Variants in RBM25 observed in about 807,000 individuals in gnomAD.
The protein encoded by RBM25 is RNA binding motif protein 25, also known as RNA-binding protein 25.
RBM25 carries 19 observed loss-of-function variants against 120.7 expected under a neutral mutation model. That is an observed-to-expected ratio of 0.16 (90% CI 0.11 to 0.23). The LOEUF is 0.23. Ranked by LOEUF, RBM25 falls within the 10% of genes least tolerant of loss-of-function variation. The pLI is 1.00. For missense variants in RBM25, 605 were observed against 1,041.5 expected, an observed-to-expected ratio of 0.58 and a Z score of 5.77; for synonymous variants, 390 against 326.7, an observed-to-expected ratio of 1.19 and a Z score of -2.09.
intron 4 of RBM25, among the ~76,000 whole-genome samples, chr14:73,081,481 A>C (rs938777175): frequency 4.7e-5 from 7 of 150,056 alleles, no homozygotes; most frequent in Admixed American, 1.4e-4. Context: ...TGGTTCCTCT[A>C]AGTCTACTTT....
chr14:73,103,571 C>G (rs1566597075), intron 10 of RBM25, 93 bp downstream of exon 10: 2 of 1,483,802 alleles, frequency 1.3e-6, no homozygotes, highest in Admixed American at 2.5e-5. Flanking sequence ...GGAATGAGAA[C>G]TTTTGTGTGT....
At chr14:73,104,400 G>C (rs1009262329) in intron 10 of RBM25, among the ~76,000 whole-genome samples, 2 of 140,322 alleles carry the variant, frequency 1.4e-5, no homozygotes, top group Non-Finnish European at 3.1e-5. Flanking sequence ...ACAAGTTTTT[G>C]CTCTGTTGCC....
At chr14:73,105,375 G>A (rs1896163284) in intron 10 of RBM25, among the ~76,000 whole-genome samples, 2 of 152,102 alleles carry the variant, frequency 1.3e-5, no homozygotes, top group South Asian at 4.1e-4. Context: ...ACTTATAAAA[G>A]TTCTAACTTA....
At chr14:73,103,948 T>TCTCACACACA (rs1594928335) in intron 10 of RBM25, among the ~76,000 whole-genome samples, 18 of 91,426 alleles carry the variant, frequency 2.0e-4, no homozygotes, top group Non-Finnish European at 4.1e-4. Flanking sequence ...TCTCTCTCTC[T>TCTCACACACA]CACACACACA....
chr14:73,060,981 GA>G (rs1168774967), intron 1 of RBM25, among the ~76,000 whole-genome samples: 3 of 148,200 alleles, frequency 2.0e-5, no homozygotes, highest in African/African-American at 7.3e-5. Flanking sequence ...TCAAAATCAG[GA>G]AACTAACACT....
At chr14:73,080,380 T>C (rs1362698552) in intron 4 of RBM25, among the ~76,000 whole-genome samples, 1 of 151,770 alleles carries the variant, frequency 6.6e-6, no homozygotes, top group Admixed American at 6.6e-5. Flanking sequence ...CCCGCCACCA[T>C]GCCCGGCTAA....
At chr14:73,103,574 TTG>T in intron 10 of RBM25, 96 bp downstream of exon 10, 4 of 1,480,438 alleles carry the variant, frequency 2.7e-6, no homozygotes, top group Non-Finnish European at 1.8e-6. Context: ...ATGAGAACTT[TTG>T]TGTGTGTGTG....
intron 1 of RBM25, among the ~76,000 whole-genome samples, chr14:73,070,574 T>TTG (rs763756569): frequency 3.8e-4 from 58 of 152,122 alleles, no homozygotes; most frequent in Non-Finnish European, 7.2e-4. Flanking sequence ...ATGAGCACAT[T>TTG]TGTCTCTTAG....
At position 73,105,911 on chromosome 14, in the gene RBM25, AGAGAACGAGAGC is replaced by A. The variant is rs768061917; in HGVS notation, c.1218_1229del (p.Arg423_Glu426del). ...ACGAGAGCGGGAAAGAGAGAGAGAG[AGAGAACGAGAGC>A]GAGAACGAGAACGGGAGCGAGAGAG... On this transcript the variant is annotated inframe_deletion, in exon 11 of 19. Coordinates refer to ENST00000261973, the MANE Select transcript of RBM25 (RefSeq NM_021239.3). 1.1e-4 allele frequency: 179 copies of A among 1,612,898 alleles called. No homozygotes were observed. Among genetic ancestry groups the A allele is most frequent in the Non-Finnish European group, 1.4e-4 (168 of 1,179,416 alleles).
intron 17 of RBM25, among the ~76,000 whole-genome samples, chr14:73,113,509 G>T (rs1594936835): frequency 1.3e-5 from 2 of 151,960 alleles, no homozygotes; most frequent in African/African-American, 4.8e-5. Context: ...CGGCCAATAT[G>T]GTAAAACCCC....
Position 73,111,790 on chromosome 14 carries a change from T to G in RBM25, c.2280T>G (p.Ser760=). ...PELFAYPLDW[S]IVDSILMERR... ...TCTTCGCTTATCCCCTGGATTGGTC[T>G]ATTGTGGATTCTGTGAGTAGGAAAT... is the stretch of plus-strand genomic sequence containing the variant. The change falls in exon 16 of 19, where the codon TCT becomes TCG. Residue 760 remains serine, a synonymous_variant. Transcript: ENST00000261973. 1 of 1,587,156 alleles carries G rather than the reference T, an allele frequency of 6.3e-7. No individual in the cohort carries two copies. The highest frequency in any genetic ancestry group is 8.5e-7 in the Non-Finnish European group (1 of 1,170,328).
Position 73,120,368 on chromosome 14 carries a change from CTAA to C in RBM25, c.*565_*567del, listed in dbSNP as rs941909178. The C allele has an allele frequency of 1.1e-4, 17 of 152,424 alleles. No individual in the cohort carries two copies. The highest frequency in any genetic ancestry group is 5.9e-4 in the Admixed American group (9 of 15,260). The allele number at this position is 152,424 out of a possible 1,614,324, so 9.4% of individuals were successfully genotyped here. On this transcript the variant is annotated 3_prime_UTR_variant, in exon 19 of 19. Transcript: ENST00000261973. ...GTATGTGTAAAAGTCTTTCTTTTCCCTAATTTGCTTTGGTGGGGTCCTTAAAAC... is the reference window on the plus strand; with the variant it reads ...GTATGTGTAAAAGTCTTTCTTTTCCCTTTGCTTTGGTGGGGTCCTTAAAAC...
rs771096238 is a variant in RBM25 at position 73,111,692 on chromosome 14, A to C, written c.2182A>C (p.Thr728Pro). Reference protein sequence around the residue: ...GEDDKNATKGTVNTEEKRKHI... With the variant: ...GEDDKNATKGPVNTEEKRKHI... ...AGATGATAAAAATGCAACCAAAGGC[A>C]CTGTAAACACTGAAGAAAAGCGTAA... Residue 728 changes from threonine (T) to proline (P), a missense_variant, in exon 16 of 19, where the codon ACT becomes CCT. Thr to Pro is a conservative substitution (Grantham distance 38). This residue lies in a region of RBM25 where 465 missense variants were observed against 741.6 expected (regional missense o/e 0.63). Transcript: ENST00000261973. The C allele has an allele frequency of 2.9e-5, 47 of 1,614,056 alleles. No individual in the cohort carries two copies. The highest frequency in any genetic ancestry group is 3.6e-5 in the Non-Finnish European group (42 of 1,180,036).
rs565545268 is a variant in RBM25 at position 73,107,504 on chromosome 14, C to T, written c.1468-322C>T. 1.9e-3 allele frequency: 457 copies of T among 246,084 alleles called. 1 individual carries two copies. Among genetic ancestry groups the T allele is most frequent in the Non-Finnish European group, 3.0e-3 (385 of 128,668 alleles). 15.2% of individuals were successfully genotyped at this position (246,084 alleles called of 1,614,324 possible). A position where few individuals can be genotyped will look rare whatever the true frequency, so the allele number is the denominator to read the frequency against. Reference sequence around the variant, plus strand: ...GAGATAGCTGCACAGATAGCTCCAACTTAAATTAGAAAATATTTTCTCTAT... The same window carrying T: ...GAGATAGCTGCACAGATAGCTCCAATTTAAATTAGAAAATATTTTCTCTAT... On this transcript the variant is annotated intron_variant, in intron 12 of 18. Transcript: ENST00000261973.
chr14:73,088,241 A>G, intron 6 of RBM25, 80 bp downstream of exon 6: 1 of 1,519,112 alleles, frequency 6.6e-7, no homozygotes, highest in Non-Finnish European at 9.1e-7. Flanking sequence ...AATGAATCTA[A>G]TATGGGGCTT....
rs1438631019 is a variant in RBM25 at position 73,076,380 on chromosome 14, T to G, written c.156+12T>G. On this transcript the variant is annotated intron_variant, in intron 3 of 18. Coordinates refer to ENST00000261973, the MANE Select transcript of RBM25 (RefSeq NM_021239.3). ...CTCCTGCTCCAACTGTAAGTATAAC[T>G]TAAAGGAGGAATCATGAGTTATGGT... 3.7e-6 allele frequency: 6 copies of G among 1,602,162 alleles called. No individual in the cohort carries two copies. In the Admixed American group the frequency reaches 8.3e-5, roughly 22 times the overall value.
intron 6 of RBM25, among the ~76,000 whole-genome samples, chr14:73,089,520 A>G (rs1182490021): frequency 1.3e-5 from 2 of 151,240 alleles, no homozygotes; most frequent in South Asian, 2.1e-4. Context: ...ACGTTCAGCA[A>G]ATTTTTGTAT....
At chr14:73,099,587 A>G in intron 8 of RBM25, 80 bp from the exon 9 acceptor site, 1 of 1,587,474 alleles carries the variant, frequency 6.3e-7, no homozygotes, top group Non-Finnish European at 8.5e-7. Flanking sequence ...TGAGACCTAT[A>G]CAGAATATCT....
chr14:73,095,594 A>G (rs1304710598), intron 6 of RBM25, among the ~76,000 whole-genome samples: 1 of 149,826 alleles, frequency 6.7e-6, no homozygotes, highest in Non-Finnish European at 1.5e-5. Flanking sequence ...GCAACAGAGC[A>G]AGACTCCGCC....
Sources: gnomAD v4.1 joint callset for allele counts (sites outside exome capture counted in the v4.1 genomes callset) on GRCh38, gnomAD v4.1.1 for gene constraint, gnomAD v4.1.1 regional missense constraint, MANE v1.5 for transcripts, NCBI Gene and HGNC (gene_info 2026-07-23, HGNC 2026-07-21) for gene names.